IL1RAPL1: variants seen among roughly 807,000 people sequenced by gnomAD.
IL1RAPL1 encodes interleukin 1 receptor accessory protein like 1.
In IL1RAPL1, 3 loss-of-function variants were observed where a neutral mutation model predicts 48.4. That is an observed-to-expected ratio of 0.06 (90% confidence interval 0.03 to 0.16). IL1RAPL1 has a LOEUF of 0.16. IL1RAPL1 is among the 10% of genes least tolerant of loss of function. The pLI is 1.00. For synonymous variants in IL1RAPL1, 185 were observed against 187.7 expected (o/e 0.99, Z 0.12); for missense variants, 349 against 530.6 (o/e 0.66, Z 3.36).
At chrX:28,896,799 C>G (rs533702782) in intron 2 of IL1RAPL1, among the ~76,000 whole-genome samples, 1 of 109,423 alleles carries the variant, frequency 9.1e-6, no homozygotes, top group Non-Finnish European at 1.9e-5. Flanking sequence ...AGATTTGGGA[C>G]GAGTTGCATT....
At chrX:29,942,391 AAATATT>A (rs1486705123) in intron 9 of IL1RAPL1, among the ~76,000 whole-genome samples, 1 of 105,142 alleles carries the variant, frequency 9.5e-6, no homozygotes, top group Non-Finnish European at 2.1e-5. Flanking sequence ...GTAGACAAAT[AAATATT>A]GTTTTGTGGA....
intron 5 of IL1RAPL1, among the ~76,000 whole-genome samples, chrX:29,489,639 T>A (rs771014872): frequency 8.9e-6 from 1 of 111,962 alleles, no homozygotes; most frequent in East Asian, 2.8e-4. Flanking sequence ...TAATTAGTAA[T>A]CCACCGAATT....
At chrX:28,598,388 T>C (rs1933980895) in intron 1 of IL1RAPL1, among the ~76,000 whole-genome samples, 1 of 112,066 alleles carries the variant, frequency 8.9e-6, no homozygotes, top group Non-Finnish European at 1.9e-5. Flanking sequence ...ATAGTTTTTT[T>C]TCCCATACTG....
At chrX:29,418,422 G>A (rs1049756854) in intron 5 of IL1RAPL1, among the ~76,000 whole-genome samples, 2 of 108,772 alleles carry the variant, frequency 1.8e-5, no homozygotes, top group Non-Finnish European at 3.8e-5. Context: ...CACTGCGCCC[G>A]GCCAAAAAAA....
At chrX:28,728,207 A>C (rs781764436) in intron 1 of IL1RAPL1, among the ~76,000 whole-genome samples, 14 of 112,324 alleles carry the variant, frequency 1.2e-4, no homozygotes, top group Middle Eastern at 4.6e-3. Flanking sequence ...GTTGAATACT[A>C]TACTATGTAT....
At chrX:29,943,261 T>A (rs1406835301) in intron 9 of IL1RAPL1, among the ~76,000 whole-genome samples, 2 of 111,982 alleles carry the variant, frequency 1.8e-5, no homozygotes, top group Non-Finnish European at 3.8e-5. Context: ...TGCTGCTGTT[T>A]TAAAGAAATA....
chrX:29,149,772 G>A (rs770635636), intron 2 of IL1RAPL1, among the ~76,000 whole-genome samples: 1 of 111,979 alleles, frequency 8.9e-6, no homozygotes, highest in African/African-American at 3.2e-5. Context: ...CCAGAAGATT[G>A]AGTTCAGAAG....
At chrX:28,898,672 CAAACTT>C (rs1279557404) in intron 2 of IL1RAPL1, among the ~76,000 whole-genome samples, 3 of 111,612 alleles carry the variant, frequency 2.7e-5, no homozygotes, top group African/African-American at 9.8e-5. Flanking sequence ...TGGTGCTCCT[CAAACTT>C]AAATGTTAGT....
intron 6 of IL1RAPL1, among the ~76,000 whole-genome samples, chrX:29,706,537 A>C (rs1459477948): frequency 8.9e-6 from 1 of 111,991 alleles, no homozygotes; most frequent in East Asian, 2.8e-4. Context: ...TACAGGCCTC[A>C]TGCAAGTCTG....
chrX:29,507,485 C>T (rs145504854), intron 5 of IL1RAPL1, among the ~76,000 whole-genome samples: 43 of 85,511 alleles, frequency 5.0e-4, no homozygotes, highest in Admixed American at 2.4e-3. Flanking sequence ...GCTCACTGCA[C>T]CCTTGACCTC....
chrX:29,777,278 G>C (rs1929220720), intron 6 of IL1RAPL1, among the ~76,000 whole-genome samples: 1 of 111,991 alleles, frequency 8.9e-6, no homozygotes, highest in Non-Finnish European at 1.9e-5. Context: ...GCAGCCATCT[G>C]TTGTTTAAAA....
intron 2 of IL1RAPL1, among the ~76,000 whole-genome samples, chrX:29,205,817 C>T (rs758667976): frequency 1.8e-5 from 2 of 109,955 alleles, no homozygotes; most frequent in South Asian, 3.9e-4. Context: ...TCACTGCAAC[C>T]TCTGCCACCC....
intron 3 of IL1RAPL1, among the ~76,000 whole-genome samples, chrX:29,387,883 C>T (rs758669175): frequency 4.0e-4 from 44 of 108,858 alleles, no homozygotes; most frequent in African/African-American, 1.4e-3. Flanking sequence ...GTCCCAGCTA[C>T]TTGGGAGGCT....
At chrX:29,868,664 G>A (rs1931744861) in intron 6 of IL1RAPL1, among the ~76,000 whole-genome samples, 1 of 112,456 alleles carries the variant, frequency 8.9e-6, no homozygotes, top group African/African-American at 3.2e-5. Flanking sequence ...TTTGTTTGAA[G>A]TGCAATTCAA....
intron 2 of IL1RAPL1, among the ~76,000 whole-genome samples, chrX:29,034,260 A>G (rs1317207636): frequency 8.9e-6 from 1 of 112,036 alleles, no homozygotes; most frequent in Non-Finnish European, 1.9e-5. Flanking sequence ...TTGTCTTAAT[A>G]TTCTGATTTT....
chrX:29,597,903 T>A (rs1439026291), intron 5 of IL1RAPL1, among the ~76,000 whole-genome samples: 1 of 112,626 alleles, frequency 8.9e-6, no homozygotes, highest in Non-Finnish European at 1.9e-5. Flanking sequence ...TTGAGCTTAT[T>A]TGCATCTTCC....
chrX:29,803,047 A>G (rs1359192750), intron 6 of IL1RAPL1, among the ~76,000 whole-genome samples: 8 of 83,247 alleles, frequency 9.6e-5, no homozygotes, highest in Admixed American at 6.9e-4. Flanking sequence ...ATATACATAT[A>G]TGTGTACATA....
intron 6 of IL1RAPL1, among the ~76,000 whole-genome samples, chrX:29,880,493 C>T (rs971234964): frequency 9.0e-5 from 10 of 111,295 alleles, no homozygotes; most frequent in African/African-American, 2.6e-4. Context: ...AACAATAAAA[C>T]GAGGTATTCA....
intron 2 of IL1RAPL1, among the ~76,000 whole-genome samples, chrX:29,152,964 T>A: frequency 8.9e-6 from 1 of 112,248 alleles, no homozygotes; most frequent in East Asian, 2.8e-4. Context: ...CCAAATTTAT[T>A]ATCTTACAGT....
Sources: gnomAD v4.1 joint callset for allele counts (sites outside exome capture counted in the v4.1 genomes callset) on GRCh38, gnomAD v4.1.1 for gene constraint, MANE v1.5 for transcripts, NCBI Gene and HGNC (gene_info 2026-07-23, HGNC 2026-07-21) for gene names.